Variants in CYTH3 observed in about 807,000 individuals in gnomAD.
CYTH3 encodes the protein cytohesin 3.
A neutral mutation model predicts 55.1 loss-of-function variants in CYTH3; 23 were observed. That is an observed-to-expected ratio of 0.42 (90% CI 0.30 to 0.59). CYTH3 has a LOEUF of 0.59. Ranked by LOEUF, CYTH3 falls within the 20% of genes least tolerant of loss-of-function variation. The pLI is 0.20. For missense variants in CYTH3, 413 were observed against 524.8 expected, an observed-to-expected ratio of 0.79 and a Z score of 2.08; for synonymous variants, 249 against 194.9, an observed-to-expected ratio of 1.28 and a Z score of -2.31.
At chr7:6,192,763 C>G (rs1013512801) in intron 1 of CYTH3, among the ~76,000 whole-genome samples, 1 of 150,004 alleles carries the variant, frequency 6.7e-6, no homozygotes, top group Non-Finnish European at 1.5e-5. Flanking sequence ...GAACTCCTGA[C>G]CTCAAGTGAT....
intron 1 of CYTH3, among the ~76,000 whole-genome samples, chr7:6,195,005 AAAG>A (rs1173339047): frequency 6.6e-6 from 1 of 152,080 alleles, no homozygotes; most frequent in Non-Finnish European, 1.5e-5. Context: ...AATTTTAAAA[AAAG>A]AAAAAAGAAA....
At chr7:6,228,229 GATCAT>G (rs1468861401) in intron 1 of CYTH3, among the ~76,000 whole-genome samples, 1 of 151,860 alleles carries the variant, frequency 6.6e-6, no homozygotes, top group East Asian at 1.9e-4. Flanking sequence ...TAAAGAGAAT[GATCAT>G]ATAAGTACAG....
intron 1 of CYTH3, among the ~76,000 whole-genome samples, chr7:6,225,196 A>G (rs1779217760): frequency 6.6e-6 from 1 of 152,228 alleles, no homozygotes; most frequent in Non-Finnish European, 1.5e-5. Flanking sequence ...CCTGAAATTA[A>G]GACAGTACAA....
chr7:6,197,848 T>A (rs772210681), intron 1 of CYTH3, among the ~76,000 whole-genome samples: 33 of 152,174 alleles, frequency 2.2e-4, no homozygotes, highest in Non-Finnish European at 4.4e-4. Context: ...TCCCAGTACT[T>A]TGGGAAGCCA....
In CYTH3 at chr7:6,184,209, C is replaced by T. The variant is rs373799793; in HGVS notation, c.249+2841G>A. ...CCGAGTAGCTGGGACTACAGGCGCCCGTCACCACACCCGGCTAATTTTTTG... is the reference window on the plus strand; with the variant it reads ...CCGAGTAGCTGGGACTACAGGCGCCTGTCACCACACCCGGCTAATTTTTTG... On this transcript the variant is annotated intron_variant, in intron 4 of 12. Transcript: ENST00000350796. 2.8e-4 allele frequency among the ~76,000 whole-genome samples: 43 copies of T among 151,770 alleles called. No individual in the cohort carries two copies. In the East Asian group the frequency reaches 6.8e-3, roughly 24 times the overall value.
At chr7:6,216,305 T>C (rs185088295) in intron 1 of CYTH3, among the ~76,000 whole-genome samples, 293 of 152,188 alleles carry the variant, frequency 1.9e-3, no homozygotes, top group Non-Finnish European at 3.8e-3. Flanking sequence ...TACATTTCAT[T>C]TGAACTGGTA....
chr7:6,225,825 G>A (rs1052361978), intron 1 of CYTH3, among the ~76,000 whole-genome samples: 11 of 151,858 alleles, frequency 7.2e-5, no homozygotes, highest in African/African-American at 1.5e-4. Context: ...GATTACAGGC[G>A]TGTGTCACCA....
chr7:6,176,254 A>ATTTTTTT (rs776819156), intron 5 of CYTH3, among the ~76,000 whole-genome samples: 40 of 82,896 alleles, frequency 4.8e-4, no homozygotes, highest in East Asian at 1.8e-3. Flanking sequence ...AATACAATTG[A>ATTTTTTT]TTTTTTTTTT....
intron 1 of CYTH3, among the ~76,000 whole-genome samples, chr7:6,260,405 A>G (rs1047005147): frequency 1.3e-5 from 2 of 152,128 alleles, no homozygotes; most frequent in African/African-American, 2.4e-5. Flanking sequence ...TTTCACTGCA[A>G]AACAAACATA....
intron 5 of CYTH3, 126 bp from the exon 6 acceptor site, chr7:6,173,859 A>T (rs1236136920): frequency 9.0e-6 from 6 of 668,286 alleles, no homozygotes; most frequent in Non-Finnish European, 1.4e-5. Flanking sequence ...ATGCTTTTTT[A>T]AAACATTTGT....
intron 1 of CYTH3, among the ~76,000 whole-genome samples, chr7:6,259,833 T>TAATATATATATAATATATATA (rs57061102): frequency 2.6e-4 from 4 of 15,610 alleles, no homozygotes; most frequent in Non-Finnish European, 2.7e-4. Context: ...TATATATATA[T>TAATATATATATAATATATATA]TTTTTTTTTT....
At chr7:6,226,453 C>T (rs771227942) in intron 1 of CYTH3, among the ~76,000 whole-genome samples, 2 of 152,088 alleles carry the variant, frequency 1.3e-5, no homozygotes, top group Non-Finnish European at 2.9e-5. Context: ...TGGGAGAGTG[C>T]TATTTTAGGG....
In CYTH3 at chr7:6,179,839, ACAC is replaced by A. The variant is rs541610419; in HGVS notation, c.250-1901_250-1899del. Among the ~76,000 whole-genome samples the A allele has an allele frequency of 8.4e-3, 939 of 111,906 alleles. 9 individuals carry two copies. The highest frequency in any genetic ancestry group is 0.036 in the Middle Eastern group (7 of 192). The allele number at this position is 111,906 out of a possible 152,430, so 73.4% of individuals were successfully genotyped here. On this transcript the variant is annotated intron_variant, in intron 4 of 12. Coordinates refer to ENST00000350796, the MANE Select transcript of CYTH3 (RefSeq NM_004227.4). ...CACACACCACACACGCACACCACAT[ACAC>A]CACACCACAGACACACCACACACAC...
intron 1 of CYTH3, among the ~76,000 whole-genome samples, chr7:6,256,078 T>C (rs1234954967): frequency 2.0e-5 from 3 of 152,192 alleles, no homozygotes; most frequent in Admixed American, 6.5e-5. Flanking sequence ...TTAATCTGTT[T>C]AACCAAAGTT....
At position 6,171,160 on chromosome 7, in the gene CYTH3, G is replaced by A. The variant is rs113169645; in HGVS notation, c.562+42C>T. The A allele has an allele frequency of 6.7e-4, 1,077 of 1,606,922 alleles. 13 individuals carry two copies. The African/African-American group carries it at 0.012, about 17-fold the overall frequency. ...GGGGCCGCCCCCTCCAGAGCTGGAG[G>A]CTGTGCCTGGCAAGGGGCCAGGCTG... On this transcript the variant is annotated intron_variant, in intron 7 of 12. Coordinates refer to ENST00000350796, the MANE Select transcript of CYTH3 (RefSeq NM_004227.4). The surrounding 1 kb of genome is among the most constrained non-coding windows in gnomAD (Gnocchi z 6.7).
At chr7:6,226,382 T>C (rs1779251452) in intron 1 of CYTH3, among the ~76,000 whole-genome samples, 3 of 152,194 alleles carry the variant, frequency 2.0e-5, no homozygotes, top group Non-Finnish European at 4.4e-5. Context: ...CATTTCCCAT[T>C]CACAAACATC....
chr7:6,165,844 C>T lies in CYTH3; in HGVS notation c.824-34G>A, dbSNP rs184509653. ...AGAAGGGCCCCGTGAGTCTGCGCTC[C>T]GTGCACAGGGAGCCCGCGGGTCCAA... is the stretch of plus-strand genomic sequence containing the variant. On this transcript the variant is annotated intron_variant, in intron 9 of 12. Coordinates refer to ENST00000350796, the MANE Select transcript of CYTH3 (RefSeq NM_004227.4). 2.6e-4 allele frequency: 411 copies of T among 1,611,116 alleles called. No homozygotes were observed. The African/African-American group carries it at 4.7e-3, about 18-fold the overall frequency.
chr7:6,197,705 G>C (rs1783966747), intron 1 of CYTH3, among the ~76,000 whole-genome samples: 1 of 151,854 alleles, frequency 6.6e-6, no homozygotes, highest in Non-Finnish European at 1.5e-5. Flanking sequence ...AAAAAGAATT[G>C]AGCAAAATTA....
intron 1 of CYTH3, among the ~76,000 whole-genome samples, chr7:6,207,316 T>C (rs934770058): frequency 3.9e-5 from 6 of 152,066 alleles, no homozygotes; most frequent in East Asian, 1.9e-4. Flanking sequence ...GGATGGTCTC[T>C]ATCTCCTGAC....
Sources: gnomAD v4.1 joint callset for allele counts (sites outside exome capture counted in the v4.1 genomes callset) on GRCh38, gnomAD v4.1.1 for gene constraint, Gnocchi (gnomAD v3.1) non-coding constraint, MANE v1.5 for transcripts, NCBI Gene and HGNC (gene_info 2026-07-23, HGNC 2026-07-21) for gene names.